LRRFIP1: variants seen among roughly 807,000 people sequenced by gnomAD.
LRRFIP1 encodes the protein LRR binding FLII interacting protein 1.
In LRRFIP1, 62 loss-of-function variants were observed where a neutral mutation model predicts 104.4. The observed-to-expected ratio is 0.59, with a 90% CI of 0.48 to 0.73. The LOEUF (loss-of-function observed/expected upper bound fraction) is 0.73, where lower values mean the gene tolerates loss of function less well. Ranked by LOEUF, LRRFIP1 falls within the 30% of genes least tolerant of loss-of-function variation. The probability of loss-of-function intolerance (pLI) is 0.00; values close to 1 mark genes in which losing one functional copy is unlikely to be tolerated. For synonymous variants in LRRFIP1, 300 were observed against 299.0 expected (o/e 1.00, Z -0.03); for missense variants, 796 against 824.5 (o/e 0.97, Z 0.42).
intron 8 of LRRFIP1, among the ~76,000 whole-genome samples, chr2:237,733,367 A>G (rs1378634534): frequency 2.6e-5 from 4 of 152,162 alleles, no homozygotes; most frequent in Non-Finnish European, 5.9e-5. Flanking sequence ...TCCTGTCTTC[A>G]TGTGTGGACA....
In LRRFIP1 at chr2:237,627,673, G is replaced by A. The variant is rs1396652641; in HGVS notation, c.29G>A (p.Arg10His). Residue 10 changes from arginine to histidine, a missense_variant, in exon 1 of 24, where the codon CGC (arginine) becomes CAC (histidine). Transcript: ENST00000308482. The part of the protein sequence containing the change: MDMGTQGSG[R>H]KRLPNRERLT... ...GACATGGGCACCCAGGGATCGGGGCGCAAGCGGCTCCCCAACCGGGAGCGG... is the reference window on the plus strand; with the variant it reads ...GACATGGGCACCCAGGGATCGGGGCACAAGCGGCTCCCCAACCGGGAGCGG... 1 of 1,366,520 alleles carries A rather than the reference G, an allele frequency of 7.3e-7. No individual in the cohort carries two copies. The highest frequency in any genetic ancestry group is 9.5e-7 in the Non-Finnish European group (1 of 1,047,432). The allele number at this position is 1,366,520 out of a possible 1,614,324, so 84.6% of individuals were successfully genotyped here. A position where few individuals can be genotyped will look rare whatever the true frequency, so the allele number is the denominator to read the frequency against.
intron 1 of LRRFIP1, among the ~76,000 whole-genome samples, chr2:237,629,437 T>C (rs2082028479): frequency 6.6e-6 from 1 of 151,768 alleles, no homozygotes; most frequent in Admixed American, 6.6e-5. Flanking sequence ...TTTCCAGAGT[T>C]TGCCTTTTAT....
At chr2:237,728,062 CTTTT>C (rs199877448) in intron 8 of LRRFIP1, 127 bp downstream of exon 8, 2 of 628,624 alleles carry the variant, frequency 3.2e-6, no homozygotes, top group South Asian at 4.3e-5. Flanking sequence ...ATCGGTCTGT[CTTTT>C]TTTTCCTAGC....
intron 11 of LRRFIP1, among the ~76,000 whole-genome samples, chr2:237,741,147 T>C (rs79416579): frequency 0.024 from 3,646 of 152,318 alleles, 51 homozygotes; most frequent in Middle Eastern, 0.11. Context: ...AGGCGGCAGC[T>C]ACCATGCAAA....
At chr2:237,738,320 G>A (rs927028818) in intron 10 of LRRFIP1, among the ~76,000 whole-genome samples, 2 of 152,122 alleles carry the variant, frequency 1.3e-5, no homozygotes, top group African/African-American at 4.8e-5. Flanking sequence ...TAATTCGCAA[G>A]CAGGGCACTT....
intron 22 of LRRFIP1, chr2:237,774,075 G>T: frequency 2.6e-6 from 1 of 383,094 alleles, no homozygotes; most frequent in Non-Finnish European, 4.8e-6. Flanking sequence ...CCACGCAGCG[G>T]GAGAAGAAGC....
At chr2:237,673,587 C>T (rs1437786675) in intron 1 of LRRFIP1, among the ~76,000 whole-genome samples, 2 of 152,234 alleles carry the variant, frequency 1.3e-5, no homozygotes, top group Admixed American at 6.5e-5. Context: ...AGTGCGGCTG[C>T]CCCCGGTCGG....
chr2:237,658,506 G>T (rs2087231704), intron 1 of LRRFIP1, among the ~76,000 whole-genome samples: 1 of 152,180 alleles, frequency 6.6e-6, no homozygotes, highest in African/African-American at 2.4e-5. Context: ...GTAGGGGGCT[G>T]TGCATTAATC....
At chr2:237,727,229 G>A (rs905697473) in intron 7 of LRRFIP1, among the ~76,000 whole-genome samples, 2 of 151,940 alleles carry the variant, frequency 1.3e-5, no homozygotes, top group Admixed American at 6.6e-5. Context: ...GGTGACGCAC[G>A]CCTGTAATCC....
Position 237,717,122 on chromosome 2 carries a change from G to C in LRRFIP1, c.202-640G>C, listed in dbSNP as rs555784253. On this transcript the variant is annotated intron_variant, in intron 3 of 23. Transcript: ENST00000308482. The surrounding 1 kb of genome is among the most constrained non-coding windows in gnomAD (Gnocchi z 4.2). ...GGAAGCCAAAAGATTGGACACCCCTGAGCTAATGTCACCTCCAGACATACA... is the reference window on the plus strand; with the variant it reads ...GGAAGCCAAAAGATTGGACACCCCTCAGCTAATGTCACCTCCAGACATACA... 2.0e-5 allele frequency among the ~76,000 whole-genome samples: 3 copies of C among 152,032 alleles called. No homozygotes were observed. Among genetic ancestry groups the C allele is most frequent in the Non-Finnish European group, 4.4e-5 (3 of 68,016 alleles).
rs371475228 is a variant in LRRFIP1 at position 237,651,010 on chromosome 2, G to A, written c.96+23270G>A. ...GGGGTATGGGTTTCTGATTAGGGGA[G>A]TTCAGAGGCTTATTCACAGCCCCTA... On this transcript the variant is annotated intron_variant, in intron 1 of 23. Coordinates refer to ENST00000308482, the MANE Select transcript of LRRFIP1 (RefSeq NM_001137550.2). Among the ~76,000 whole-genome samples, 27 of 152,268 alleles carry A rather than the reference G, an allele frequency of 1.8e-4. No homozygotes were observed. In the East Asian group the frequency reaches 2.5e-3, roughly 14 times the overall value.
intron 11 of LRRFIP1, among the ~76,000 whole-genome samples, chr2:237,742,609 A>G (rs2057268201): frequency 1.3e-5 from 2 of 152,216 alleles, no homozygotes; most frequent in Non-Finnish European, 2.9e-5. Context: ...GTCCTCTTAT[A>G]CTAAATTGAC....
intron 1 of LRRFIP1, among the ~76,000 whole-genome samples, chr2:237,628,265 A>G (rs1212964799): frequency 6.6e-6 from 1 of 152,162 alleles, no homozygotes; most frequent in Non-Finnish European, 1.5e-5. Flanking sequence ...GAACTTGGGG[A>G]TCACTGTGAT....
At chr2:237,673,304 G>A (rs561939586) in intron 1 of LRRFIP1, among the ~76,000 whole-genome samples, 2 of 152,352 alleles carry the variant, frequency 1.3e-5, no homozygotes, top group Admixed American at 6.5e-5. Flanking sequence ...GGGAGGGCCC[G>A]CAGGCAGCAG....
chr2:237,710,521 G>A (rs1284284946), intron 2 of LRRFIP1, among the ~76,000 whole-genome samples: 1 of 151,866 alleles, frequency 6.6e-6, no homozygotes, highest in African/African-American at 2.4e-5. Context: ...TCCTGACCTC[G>A]GGTGATTCCC....
chr2:237,727,050 A>G (rs1575884612), intron 7 of LRRFIP1, among the ~76,000 whole-genome samples: 2 of 152,188 alleles, frequency 1.3e-5, no homozygotes, highest in Non-Finnish European at 2.9e-5. Flanking sequence ...GCGTTTAACT[A>G]TAGATTGACT....
At position 237,637,852 on chromosome 2, in the gene LRRFIP1, A is replaced by C. The variant is rs370567115; in HGVS notation, c.96+10112A>C. 1.8e-4 allele frequency among the ~76,000 whole-genome samples: 28 copies of C among 152,190 alleles called. 2 individuals are homozygous for C. The highest frequency in any genetic ancestry group is 6.7e-4 in the African/African-American group (28 of 41,510). On this transcript the variant is annotated intron_variant, in intron 1 of 23. Coordinates refer to ENST00000308482, the MANE Select transcript of LRRFIP1 (RefSeq NM_001137550.2). ...GCCCTCATTGTCCTTGATTTCTTTC[A>C]TTTTTATTTTTCACTTTCTTTGATG...
intron 1 of LRRFIP1, among the ~76,000 whole-genome samples, chr2:237,630,941 C>T (rs986876230): frequency 6.6e-6 from 1 of 152,224 alleles, no homozygotes; most frequent in Non-Finnish European, 1.5e-5. Context: ...GCAGTATCTC[C>T]CTGGTAAACT....
chr2:237,748,262 C>G, intron 11 of LRRFIP1, 102 bp from the exon 12 acceptor site: 1 of 916,540 alleles, frequency 1.1e-6, no homozygotes, highest in Non-Finnish European at 1.7e-6. Flanking sequence ...ACAAAGGAAG[C>G]AAATGTTTTG....
Sources: allele counts gnomAD v4.1 joint callset (sites outside exome capture counted in the v4.1 genomes callset), GRCh38; gene constraint gnomAD v4.1.1; non-coding constraint Gnocchi (gnomAD v3.1); transcripts MANE v1.5; gene names NCBI Gene and HGNC (gene_info 2026-07-23, HGNC 2026-07-21).